Variants in MRTFA observed in about 807,000 individuals in gnomAD.
MRTFA encodes the protein myocardin-related transcription factor A.
Under a neutral mutation model 83.5 loss-of-function variants are expected in MRTFA, and 20 were observed. The ratio of observed to expected loss-of-function variants is 0.24; its 90% CI spans 0.17 to 0.35. The LOEUF is 0.35. MRTFA is among the 10% of genes least tolerant of loss of function. The pLI is 1.00. For missense variants in MRTFA, 1,200 were observed against 1,224.7 expected, an observed-to-expected ratio of 0.98 and a Z score of 0.30; for synonymous variants, 659 against 541.2, an observed-to-expected ratio of 1.22 and a Z score of -3.02.
Position 40,465,667 on chromosome 22 carries a change from C to G in MRTFA, c.242-2381G>C, listed in dbSNP as rs149352552. On this transcript the variant is annotated intron_variant, in intron 3 of 14. Coordinates refer to ENST00000355630, the MANE Select transcript of MRTFA (RefSeq NM_020831.6). ...CCTTGACGTCCCTGGCTCAACAGAT[C>G]CTCCCACCTCAGCCTCTGGAGTAGC... 1.5e-3 allele frequency among the ~76,000 whole-genome samples: 231 copies of G among 152,200 alleles called. 4 individuals carry two copies. In the East Asian group the frequency reaches 0.041, roughly 27 times the overall value.
chr22:40,483,427 T>A (rs1016216929), intron 3 of MRTFA, among the ~76,000 whole-genome samples: 6 of 151,206 alleles, frequency 4.0e-5, no homozygotes, highest in Non-Finnish European at 5.9e-5. Flanking sequence ...GGCTCACGCC[T>A]GTAATCCCAG....
chr22:40,594,702 A>C lies in MRTFA; in HGVS notation c.-50T>G, dbSNP rs2056166704. On this transcript the variant is annotated 5_prime_UTR_variant, in exon 2 of 15. The change creates a new upstream start codon in the 5' untranslated region. Coordinates refer to ENST00000355630, the MANE Select transcript of MRTFA (RefSeq NM_020831.6). Reference sequence around the variant, plus strand: ...GCTTACAATTCCCACAGACAGATGAAATTCAATTCCATGCCAACCATACCC... The same window carrying C: ...GCTTACAATTCCCACAGACAGATGACATTCAATTCCATGCCAACCATACCC... 6.6e-6 allele frequency: 1 copy of C among 152,140 alleles called. No individual in the cohort carries two copies. The highest frequency in any genetic ancestry group is 1.5e-5 in the Non-Finnish European group (1 of 68,028). The allele number at this position is 152,140 out of a possible 1,614,324, so 9.4% of individuals were successfully genotyped here. A position where few individuals can be genotyped will look rare whatever the true frequency, so the allele number is the denominator to read the frequency against.
At chr22:40,534,714 A>T (rs1261577891) in intron 3 of MRTFA, among the ~76,000 whole-genome samples, 1 of 152,200 alleles carries the variant, frequency 6.6e-6, no homozygotes, top group Non-Finnish European at 1.5e-5. Context: ...TGATATTAAG[A>T]TTACTTTCAG....
At chr22:40,598,997 T>TAAA (rs577125107) in intron 1 of MRTFA, among the ~76,000 whole-genome samples, 3 of 84,514 alleles carry the variant, frequency 3.5e-5, no homozygotes, top group Admixed American at 1.3e-4. Context: ...AAACTCCATC[T>TAAA]AAAAAAAAAA....
At chr22:40,538,107 C>A (rs2055218612) in intron 3 of MRTFA, among the ~76,000 whole-genome samples, 1 of 23,868 alleles carries the variant, frequency 4.2e-5, no homozygotes, top group Non-Finnish European at 9.2e-5. Context: ...ATGACAATGG[C>A]GGCTTTGTGG....
chr22:40,557,472 A>G (rs1437091808), intron 2 of MRTFA, among the ~76,000 whole-genome samples: 1 of 152,310 alleles, frequency 6.6e-6, no homozygotes, highest in East Asian at 1.9e-4. Context: ...GCAGGGTAAT[A>G]TAAAAGAGTG....
intron 1 of MRTFA, among the ~76,000 whole-genome samples, chr22:40,632,200 G>A (rs939680726): frequency 1.3e-5 from 2 of 152,110 alleles, no homozygotes; most frequent in African/African-American, 4.8e-5. Context: ...GCACCAACCT[G>A]CCAGCAATAT....
intron 3 of MRTFA, among the ~76,000 whole-genome samples, chr22:40,465,679 G>A (rs1462514722): frequency 6.6e-6 from 1 of 152,072 alleles, no homozygotes; most frequent in Non-Finnish European, 1.5e-5. Context: ...TCCCACCTCA[G>A]CCTCTGGAGT....
Position 40,419,015 on chromosome 22 carries a change from T to A in MRTFA, c.1723A>T (p.Thr575Ser). ...GGTGATGTCACCATCTCACCAAAGG[T>A]GTCCCCGGGGGTGGAGTTTTCATCG... Residue 575 changes from threonine (T) to serine (S), a missense_variant, in exon 12 of 15, where the codon ACC becomes TCC. Physicochemically the swap from Thr to Ser is moderately conservative, Grantham distance 58. Around this residue, in one of 2 missense-constraint regions of MRTFA, gnomAD observed 1,107 missense variants for 1,041.8 expected, o/e 1.06. Transcript: ENST00000355630. 1 of 1,612,414 alleles carries A rather than the reference T, an allele frequency of 6.2e-7. No homozygotes were observed. Among genetic ancestry groups the A allele is most frequent in the Non-Finnish European group, 8.5e-7 (1 of 1,179,814 alleles).
intron 2 of MRTFA, among the ~76,000 whole-genome samples, chr22:40,577,235 T>TAAAAAAAAAAAAAAA (rs760829183): frequency 1.6e-5 from 1 of 64,464 alleles, no homozygotes; most frequent in African/African-American, 6.0e-5. Context: ...GACCCTTGTC[T>TAAAAAAAAAAAAAAA]AAAAAAAAAA....
chr22:40,522,635 C>A (rs1000275983), intron 3 of MRTFA: 7 of 152,276 alleles, frequency 4.6e-5, no homozygotes, highest in African/African-American at 1.7e-4. Flanking sequence ...AAGCAATTCT[C>A]CTGCCTCCGC....
In MRTFA at chr22:40,417,767, C is replaced by T. The variant is rs937109205; in HGVS notation, c.2365-274G>A. 6.7e-6 allele frequency: 3 copies of T among 448,232 alleles called. No homozygotes were observed. In the Admixed American group the frequency reaches 1.2e-4, roughly 18 times the overall value. The allele number at this position is 448,232 out of a possible 1,614,324, so 27.8% of individuals were successfully genotyped here. A position where few individuals can be genotyped will look rare whatever the true frequency, so the allele number is the denominator to read the frequency against. On this transcript the variant is annotated intron_variant, in intron 12 of 14. Transcript: ENST00000355630. ...TCACCCCCTGAGATTTCTGCAGCTT[C>T]TTTCTCTGCTTGGGGCTGCTCAGGG...
At chr22:40,485,348 A>G (rs2054158479) in intron 3 of MRTFA, among the ~76,000 whole-genome samples, 1 of 152,016 alleles carries the variant, frequency 6.6e-6, no homozygotes, top group African/African-American at 2.4e-5. Context: ...AACAAACAAG[A>G]CCCCTTTTCC....
intron 3 of MRTFA, among the ~76,000 whole-genome samples, chr22:40,478,215 A>G (rs1316589419): frequency 6.6e-6 from 1 of 152,158 alleles, no homozygotes; most frequent in Non-Finnish European, 1.5e-5. Flanking sequence ...TACAAATCTT[A>G]TGATTAAATG....
At chr22:40,467,270 G>A (rs1328945889) in intron 3 of MRTFA, among the ~76,000 whole-genome samples, 2 of 152,070 alleles carry the variant, frequency 1.3e-5, no homozygotes, top group Non-Finnish European at 2.9e-5. Context: ...CAAAGAGGGG[G>A]AAAAAAGACT....
At chr22:40,438,764 C>T (rs1460241078) in intron 4 of MRTFA, among the ~76,000 whole-genome samples, 3 of 151,644 alleles carry the variant, frequency 2.0e-5, no homozygotes, top group African/African-American at 7.3e-5. Context: ...TCATAGGTCA[C>T]ATGTATAGAA....
chr22:40,610,970 C>T (rs1320340627), intron 1 of MRTFA, among the ~76,000 whole-genome samples: 1 of 125,332 alleles, frequency 8.0e-6, no homozygotes, highest in Non-Finnish European at 1.6e-5. Context: ...TAGAGACTTG[C>T]TCTGTTGTCC....
chr22:40,450,970 T>C (rs1291363187), intron 4 of MRTFA, among the ~76,000 whole-genome samples: 3 of 152,208 alleles, frequency 2.0e-5, no homozygotes, highest in Non-Finnish European at 4.4e-5. Flanking sequence ...TGAGGCTCAG[T>C]AGCCTCATCT....
chr22:40,498,273 ATTTTTTTTTTT>A lies in MRTFA; in HGVS notation c.242-34998_242-34988del, dbSNP rs1189933906. 9.8e-5 allele frequency among the ~76,000 whole-genome samples: 4 copies of A among 40,970 alleles called. 1 individual carries two copies. Among genetic ancestry groups the A allele is most frequent in the African/African-American group, 3.2e-4 (3 of 9,490 alleles). The allele number at this position is 40,970 out of a possible 152,430, so 26.9% of individuals were successfully genotyped here. A position where few individuals can be genotyped will look rare whatever the true frequency, so the allele number is the denominator to read the frequency against. On this transcript the variant is annotated intron_variant, in intron 3 of 14. Coordinates refer to ENST00000355630, the MANE Select transcript of MRTFA (RefSeq NM_020831.6). ...ACTTCATATATATATATATATATAT[ATTTTTTTTTTT>A]TTTTTTTTTTTTTTTTTTGAGGCAG...
Sources: gnomAD v4.1 joint callset for allele counts (sites outside exome capture counted in the v4.1 genomes callset) on GRCh38, gnomAD v4.1.1 for gene constraint, gnomAD v4.1.1 regional missense constraint, MANE v1.5 for transcripts, NCBI Gene and HGNC (gene_info 2026-07-23, HGNC 2026-07-21) for gene names.